Variants in SIM1 observed in about 807,000 individuals in gnomAD.
SIM1 encodes the protein single-minded homolog 1.
SIM1 carries 18 observed loss-of-function variants against 78.2 expected under a neutral mutation model. That is an observed-to-expected ratio of 0.23 (90% CI 0.16 to 0.34). The LOEUF (loss-of-function observed/expected upper bound fraction) is 0.34, where lower values mean the gene tolerates loss of function less well. Among genes scored for constraint, SIM1 ranks in the 10% least tolerant of loss-of-function variants. The pLI, the probability that SIM1 is intolerant of heterozygous loss-of-function variation, is 1.00. For missense variants in SIM1, 939 were observed against 975.1 expected, an observed-to-expected ratio of 0.96 and a Z score of 0.49; for synonymous variants, 417 against 385.2, an observed-to-expected ratio of 1.08 and a Z score of -0.97.
At chr6:100,458,018 CTCTCTCTCTCT>C (rs1562064259) in intron 2 of SIM1, among the ~76,000 whole-genome samples, 15,452 of 87,458 alleles carry the variant, frequency 0.18, 1,512 homozygotes, top group Non-Finnish European at 0.21. Context: ...CTCTCTCTCT[CTCTCTCTCTCT>C]CTCTCTCTCT....
intron 10 of SIM1, among the ~76,000 whole-genome samples, chr6:100,412,735 G>GAAAGAAAGAAAGAAAGA (rs1771279697): frequency 7.1e-6 from 1 of 140,670 alleles, no homozygotes; most frequent in Non-Finnish European, 1.6e-5. Flanking sequence ...AAGAAAGAAA[G>GAAAGAAAGAAAGAAAGA]AAAGAAAGAA....
chr6:100,391,146 A>G, intron 11 of SIM1, 55 bp from the exon 12 acceptor site: 1 of 1,511,436 alleles, frequency 6.6e-7, no homozygotes, highest in Non-Finnish European at 8.8e-7. Context: ...CCTCAAAATA[A>G]GTATATTTCC....
chr6:100,414,860 T>C (rs1408801335), intron 10 of SIM1, among the ~76,000 whole-genome samples: 1 of 152,218 alleles, frequency 6.6e-6, no homozygotes, highest in Admixed American at 6.5e-5. Context: ...AAGGAAGAGT[T>C]TCTACCTTCA....
At chr6:100,431,138 A>G (rs552106427) in intron 9 of SIM1, among the ~76,000 whole-genome samples, 42 of 152,232 alleles carry the variant, frequency 2.8e-4, no homozygotes, top group Non-Finnish European at 4.7e-4. Flanking sequence ...AGGAAATGAC[A>G]CCGCAAAAAA....
In SIM1 at chr6:100,420,900, C is replaced by T. The variant is rs1771562179; in HGVS notation, c.1057G>A (p.Ala353Thr). 6.2e-7 allele frequency: 1 copy of T among 1,613,836 alleles called. No homozygotes were observed. The highest frequency in any genetic ancestry group is 1.3e-5 in the African/African-American group (1 of 74,884). ...SLDQISASKP[A>T]FSYTSSSTPT... is the part of the protein sequence containing the mutation. The stretch of plus-strand genomic sequence containing the variant: ...GTGGAGCTGCTGGTATAGGAGAAGG[C>T]TGGTTTGGAGGCTGAGATCTGATCC... The change falls in exon 10 of 12, where the codon GCC (alanine) becomes ACC (threonine). Residue 353 changes from alanine to threonine, a missense_variant. By Grantham distance (58) the Ala-to-Thr change is moderately conservative. Around this residue, in one of 5 missense-constraint regions of SIM1, gnomAD observed 556 missense variants for 521.9 expected, o/e 1.07. Coordinates refer to ENST00000369208, the MANE Select transcript of SIM1 (RefSeq NM_005068.3).
In SIM1 at chr6:100,393,615, G is replaced by C. The variant is rs745899394; in HGVS notation, c.1442C>G (p.Thr481Arg). The change falls in exon 11 of 12, where the codon ACG becomes AGG. Residue 481 changes from threonine (T) to arginine (R), a missense_variant. By Grantham distance (71) the Thr-to-Arg change is moderately conservative (BLOSUM62 -1). Transcript: ENST00000369208. ...CCAGGGCTCCCTCCCGGCCTGCGGC[G>C]TTCCCAGGAAGTACCTGCCTGCCTC... ...RCEAGRYFLG[T>R]PQAGREPWWG... is the part of the protein sequence containing the mutation. 1 of 1,614,124 alleles carries C rather than the reference G, an allele frequency of 6.2e-7. No individual in the cohort carries two copies. Among genetic ancestry groups the C allele is most frequent in the Admixed American group, 1.7e-5 (1 of 60,018 alleles).
intron 2 of SIM1, among the ~76,000 whole-genome samples, chr6:100,457,243 C>A (rs927509249): frequency 6.6e-6 from 1 of 152,182 alleles, no homozygotes; most frequent in Non-Finnish European, 1.5e-5. Flanking sequence ...AATAAATAAA[C>A]GCTACATCTC....
intron 9 of SIM1, among the ~76,000 whole-genome samples, chr6:100,432,429 GGTT>G (rs769338186): frequency 1.6e-4 from 25 of 152,042 alleles, no homozygotes; most frequent in Non-Finnish European, 2.8e-4. Flanking sequence ...TTATCTGAGT[GGTT>G]GTTGTTGTTG....
intron 11 of SIM1, among the ~76,000 whole-genome samples, chr6:100,393,088 C>T (rs1770679825): frequency 6.6e-6 from 1 of 152,156 alleles, no homozygotes; most frequent in South Asian, 2.1e-4. Context: ...TCCAACATAT[C>T]AATAGTGCCC....
At chr6:100,407,715 T>C (rs1771085468) in intron 10 of SIM1, among the ~76,000 whole-genome samples, 1 of 152,148 alleles carries the variant, frequency 6.6e-6, no homozygotes, top group African/African-American at 2.4e-5. Flanking sequence ...GAGCACCTTT[T>C]CATGTACATG....
chr6:100,447,545 A>G (rs1037109357), intron 8 of SIM1, 130 bp from the exon 9 acceptor site: 1 of 1,007,094 alleles, frequency 9.9e-7, no homozygotes, highest in South Asian at 1.6e-5. Context: ...GGAGAGAGAG[A>G]GAGACGACAG....
chr6:100,455,759 G>T (rs1261043769), intron 2 of SIM1, among the ~76,000 whole-genome samples: 9 of 152,192 alleles, frequency 5.9e-5, no homozygotes, highest in Admixed American at 1.3e-4. Flanking sequence ...GACAGGTCTC[G>T]CGCGGTTCCC....
rs1772426713 is a variant in SIM1 at position 100,448,599 on chromosome 6, A to G, written c.623T>C (p.Val208Ala). ...MSPFDGCYQN[V>A]GLVAVGHSLP... ...CGAGTGGCCCACGGCCACCAGGCCC[A>G]CGTTTTGGTAGCAGCCGTCGAAGGG... The change falls in exon 7 of 12, where the codon GTG becomes GCG. Residue 208 changes from valine (V) to alanine (A), a missense_variant. By Grantham distance (64) the Val-to-Ala change is moderately conservative. This residue lies in a region of SIM1 where 187 missense variants were observed against 191.6 expected (regional missense o/e 0.98). Coordinates refer to ENST00000369208, the MANE Select transcript of SIM1 (RefSeq NM_005068.3). The G allele has an allele frequency of 6.2e-7, 1 of 1,613,988 alleles. No individual in the cohort carries two copies. The highest frequency in any genetic ancestry group is 8.5e-7 in the Non-Finnish European group (1 of 1,180,046).
intron 9 of SIM1, among the ~76,000 whole-genome samples, chr6:100,443,218 A>C (rs1041892932): frequency 1.2e-4 from 19 of 152,264 alleles, no homozygotes; most frequent in African/African-American, 4.6e-4. Context: ...TTAGTAACAC[A>C]GAAATAGAAG....
chr6:100,449,776 T>C (rs1772463454), intron 4 of SIM1, 77 bp from the exon 5 acceptor site: 1 of 1,217,840 alleles, frequency 8.2e-7, no homozygotes, highest in African/African-American at 1.5e-5. Flanking sequence ...GGCCAGGGGA[T>C]CTGCAGGACC....
In SIM1 at chr6:100,449,509, G is replaced by C. The variant is rs563193474; in HGVS notation, c.458-61C>G. 27 of 1,574,978 alleles carry C rather than the reference G, an allele frequency of 1.7e-5. No individual in the cohort carries two copies. In the South Asian group the frequency reaches 3.0e-4, roughly 17 times the overall value. ...TGACACCGGCGGCGTGGGACAGCAC[G>C]CGTCTCTGCCACGACTAATTGGGGA... On this transcript the variant is annotated intron_variant, in intron 5 of 11. Transcript: ENST00000369208.
At chr6:100,398,755 C>A (rs1372292305) in intron 10 of SIM1, among the ~76,000 whole-genome samples, 1 of 152,060 alleles carries the variant, frequency 6.6e-6, no homozygotes, top group Non-Finnish European at 1.5e-5. Flanking sequence ...CTTTGAGACT[C>A]TGTTTTTAAT....
intron 9 of SIM1, among the ~76,000 whole-genome samples, chr6:100,423,829 C>G (rs1562244816): frequency 1.3e-5 from 2 of 152,180 alleles, no homozygotes; most frequent in Non-Finnish European, 2.9e-5. Flanking sequence ...AGCCTCCACT[C>G]TTGGGCATTT....
At chr6:100,410,098 G>T (rs1771156528) in intron 10 of SIM1, among the ~76,000 whole-genome samples, 1 of 152,152 alleles carries the variant, frequency 6.6e-6, no homozygotes, top group African/African-American at 2.4e-5. Context: ...AAGAATTAAA[G>T]AAATCTATAT....
Sources: gnomAD v4.1 joint callset for allele counts (sites outside exome capture counted in the v4.1 genomes callset) on GRCh38, gnomAD v4.1.1 for gene constraint, gnomAD v4.1.1 regional missense constraint, MANE v1.5 for transcripts, NCBI Gene and HGNC (gene_info 2026-07-23, HGNC 2026-07-21) for gene names.